BRWD3: variants seen among roughly 807,000 people sequenced by gnomAD.
BRWD3 encodes bromodomain and WD repeat-containing protein 3.
A neutral mutation model predicts 149.7 loss-of-function variants in BRWD3; 10 were observed. That is an observed-to-expected ratio of 0.07 (90% confidence interval 0.04 to 0.11). The LOEUF is 0.11. Ranked by LOEUF, BRWD3 falls within the 10% of genes least tolerant of loss-of-function variation. BRWD3 has a pLI of 1.00. For synonymous variants in BRWD3, 504 were observed against 456.7 expected (o/e 1.10, Z -1.32); for missense variants, 940 against 1,373.2 (o/e 0.68, Z 4.99).
At chrX:80,728,687 T>C in intron 14 of BRWD3, 65 bp downstream of exon 14, 1 of 1,017,862 alleles carries the variant, frequency 9.8e-7, no homozygotes, top group Non-Finnish European at 1.3e-6. Context: ...GGAACTTAAA[T>C]TTCCTGTGTC....
intron 33 of BRWD3, among the ~76,000 whole-genome samples, chrX:80,688,687 T>C (rs1482085493): frequency 9.0e-6 from 1 of 110,898 alleles, no homozygotes; most frequent in East Asian, 2.8e-4. Flanking sequence ...ATATTGGTAC[T>C]CCTTTCTAAT....
chrX:80,803,087 G>A (rs1353196738), intron 4 of BRWD3, among the ~76,000 whole-genome samples: 4 of 85,453 alleles, frequency 4.7e-5, no homozygotes, highest in Non-Finnish European at 6.5e-5. Flanking sequence ...GGGCGACAGC[G>A]CAAGACTCCA....
chrX:80,807,240 T>C lies in BRWD3; in HGVS notation c.180+1299A>G, dbSNP rs754892510. Among the ~76,000 whole-genome samples the C allele has an allele frequency of 1.8e-4, 20 of 111,691 alleles. 1 individual carries two copies. In the East Asian group the frequency reaches 2.0e-3, roughly 11 times the overall value. ...AACTAATTTTTCTCCATCTGAGAAATTGTTACTATTAATAATACAGATGGT... is the reference window on the plus strand; with the variant it reads ...AACTAATTTTTCTCCATCTGAGAAACTGTTACTATTAATAATACAGATGGT... On this transcript the variant is annotated intron_variant, in intron 4 of 40. Coordinates refer to ENST00000373275, the MANE Select transcript of BRWD3 (RefSeq NM_153252.5).
At chrX:80,803,344 A>G (rs925851938) in intron 4 of BRWD3, among the ~76,000 whole-genome samples, 1 of 111,716 alleles carries the variant, frequency 9.0e-6, no homozygotes, top group African/African-American at 3.3e-5. Flanking sequence ...CACTGAATCC[A>G]AAGTATTAGT....
At chrX:80,682,328 C>T (rs2072460645) in intron 38 of BRWD3, 137 bp downstream of exon 38, 1 of 726,989 alleles carries the variant, frequency 1.4e-6, no homozygotes. Context: ...ACTAACTCTA[C>T]ATAGGCATAA....
chrX:80,715,762 A>G (rs747856962), intron 20 of BRWD3, among the ~76,000 whole-genome samples: 1 of 112,222 alleles, frequency 8.9e-6, no homozygotes, highest in African/African-American at 3.2e-5. Context: ...TCCAATAAAG[A>G]TTAACAGAAA....
chrX:80,709,385 G>C (rs368237825), intron 21 of BRWD3, 43 bp downstream of exon 21: 6 of 1,149,460 alleles, frequency 5.2e-6, no homozygotes, highest in Admixed American at 2.2e-5. Context: ...TACAAACTGG[G>C]AAACAAAAAA....
intron 14 of BRWD3, among the ~76,000 whole-genome samples, chrX:80,726,079 T>C (rs1463315262): frequency 3.6e-5 from 4 of 110,340 alleles, no homozygotes; most frequent in East Asian, 2.9e-4. Flanking sequence ...TTACATGTTG[T>C]CTGTATAACA....
intron 18 of BRWD3, among the ~76,000 whole-genome samples, chrX:80,717,997 T>C (rs2073096741): frequency 9.0e-6 from 1 of 111,529 alleles, no homozygotes; most frequent in Admixed American, 9.6e-5. Flanking sequence ...TTCAAAGTAG[T>C]TTCACATCTG....
intron 6 of BRWD3, among the ~76,000 whole-genome samples, chrX:80,771,226 T>C (rs1345160722): frequency 9.0e-6 from 1 of 111,476 alleles, no homozygotes; most frequent in African/African-American, 3.3e-5. Flanking sequence ...CCAATAACTT[T>C]CTTCACAGAA....
In BRWD3 at chrX:80,730,752, T is replaced by C. The variant is rs187552171; in HGVS notation, c.1128-732A>G. The stretch of plus-strand genomic sequence containing the variant: ...CTGTCACTGTTAACACTTCAGTTTC[T>C]ATTTTCAGAATTTATAAAATACAGA... On this transcript the variant is annotated intron_variant, in intron 12 of 40. Coordinates refer to ENST00000373275, the MANE Select transcript of BRWD3 (RefSeq NM_153252.5). 3.3e-3 allele frequency among the ~76,000 whole-genome samples: 372 copies of C among 112,427 alleles called. 3 individuals are homozygous for C. The highest frequency in any genetic ancestry group is 0.012 in the African/African-American group (364 of 31,022).
At chrX:80,786,023 T>C (rs923720473) in intron 6 of BRWD3, among the ~76,000 whole-genome samples, 33 of 111,637 alleles carry the variant, frequency 3.0e-4, no homozygotes, top group Non-Finnish European at 1.7e-4. Flanking sequence ...TGCAAGACTC[T>C]GTCTCAAAAG....
intron 6 of BRWD3, among the ~76,000 whole-genome samples, chrX:80,790,518 A>AT (rs2074169769): frequency 8.9e-6 from 1 of 111,798 alleles, no homozygotes; most frequent in Non-Finnish European, 1.9e-5. Context: ...CATCAGTGCC[A>AT]GGGCCATGAC....
intron 6 of BRWD3, among the ~76,000 whole-genome samples, chrX:80,776,814 G>A (rs974803551): frequency 1.4e-4 from 16 of 111,235 alleles, no homozygotes; most frequent in Non-Finnish European, 2.4e-4. Flanking sequence ...GATGGTACCC[G>A]ATCCGTAGTT....
Position 80,809,461 on chromosome X carries a change from G to A in BRWD3, c.11C>T (p.Ala4Val), listed in dbSNP as rs370428229. ...CCCACCGGCTTCGATCTGGGTAGGT[G>A]CTGCCGCCATCCTTTTCCCGAGGGG... MAAAPTQIEAELYY... is the reference protein window; with the variant it reads MAAVPTQIEAELYY... The change falls in exon 1 of 41, where the codon GCA becomes GTA. Residue 4 changes from alanine (A) to valine (V), a missense_variant. Ala to Val is a moderately conservative substitution (Grantham distance 64). Transcript: ENST00000373275. The A allele has an allele frequency of 4.2e-5, 49 of 1,166,038 alleles. No homozygotes were observed. The highest frequency in any genetic ancestry group is 1.6e-4 in the African/African-American group (9 of 55,599).
At chrX:80,763,729 T>C (rs775395128) in intron 6 of BRWD3, among the ~76,000 whole-genome samples, 1 of 111,451 alleles carries the variant, frequency 9.0e-6, no homozygotes, top group Admixed American at 9.5e-5. Context: ...AGAAAAAAAA[T>C]CAAAGACCAC....
At chrX:80,801,619 T>C (rs2074298772) in intron 4 of BRWD3, among the ~76,000 whole-genome samples, 1 of 109,358 alleles carries the variant, frequency 9.1e-6, no homozygotes, top group Admixed American at 9.8e-5. Flanking sequence ...GGTGGGCTGA[T>C]CACTTGAGGT....
Position 80,688,051 on chromosome X carries a change from G to A in BRWD3, c.3864+18C>T. 1.7e-6 allele frequency: 2 copies of A among 1,171,712 alleles called. No individual in the cohort carries two copies. Among genetic ancestry groups the A allele is most frequent in the Non-Finnish European group, 2.3e-6 (2 of 859,414 alleles). On this transcript the variant is annotated intron_variant, in intron 34 of 40. Coordinates refer to ENST00000373275, the MANE Select transcript of BRWD3 (RefSeq NM_153252.5). ...AACCTGAAAACATATCTCCTCAGCA[G>A]TTCACTTATTTACTCACCTTTCTTC...
intron 6 of BRWD3, among the ~76,000 whole-genome samples, chrX:80,762,942 C>G (rs2073818133): frequency 9.1e-6 from 1 of 110,240 alleles, no homozygotes; most frequent in African/African-American, 3.3e-5. Context: ...GTTAGGAATA[C>G]CACGCAAAAG....
Sources: allele counts gnomAD v4.1 joint callset (sites outside exome capture counted in the v4.1 genomes callset), GRCh38; gene constraint gnomAD v4.1.1; transcripts MANE v1.5; gene names NCBI Gene and HGNC (gene_info 2026-07-23, HGNC 2026-07-21).